MYRIP: variants seen among roughly 807,000 people sequenced by gnomAD.
MYRIP encodes rab effector MyRIP.
Under a neutral mutation model 98.0 loss-of-function variants are expected in MYRIP, and 49 were observed. The ratio of observed to expected loss-of-function variants is 0.50; its 90% CI spans 0.40 to 0.63. The LOEUF is 0.63. MYRIP is among the 30% of genes least tolerant of loss of function. The pLI, the probability that MYRIP is intolerant of heterozygous loss-of-function variation, is 0.00. For missense variants in MYRIP, 1,004 were observed against 1,058.2 expected, an observed-to-expected ratio of 0.95 and a Z score of 0.71; for synonymous variants, 404 against 409.5, an observed-to-expected ratio of 0.99 and a Z score of 0.16.
intron 1 of MYRIP, among the ~76,000 whole-genome samples, chr3:39,851,020 C>G (rs1942115257): frequency 6.6e-6 from 1 of 152,110 alleles, no homozygotes; most frequent in Non-Finnish European, 1.5e-5. Flanking sequence ...TCCAGACAGT[C>G]AGGAAACAAA....
At chr3:39,998,292 CA>C (rs1451027373) in intron 2 of MYRIP, among the ~76,000 whole-genome samples, 4 of 152,338 alleles carry the variant, frequency 2.6e-5, no homozygotes, top group African/African-American at 9.6e-5. Context: ...ACCATCATCT[CA>C]GCCCAAAATC....
chr3:39,808,966 G>T (rs188326334), upstream of MYRIP: 1 of 152,366 alleles, frequency 6.6e-6, no homozygotes, highest in East Asian at 1.9e-4. Context: ...CATTAGCCTG[G>T]ACAGCTCCCT....
chr3:39,898,318 A>G (rs1047424728), intron 1 of MYRIP, among the ~76,000 whole-genome samples: 1 of 152,194 alleles, frequency 6.6e-6, no homozygotes, highest in Non-Finnish European at 1.5e-5. Flanking sequence ...TTTGTTGGTT[A>G]AATCTTGAGA....
intron 9 of MYRIP, among the ~76,000 whole-genome samples, chr3:40,186,703 T>A (rs1951044998): frequency 6.6e-6 from 1 of 152,124 alleles, no homozygotes; most frequent in Non-Finnish European, 1.5e-5. Context: ...CAATTGGAAG[T>A]CCAGCTGGCA....
intron 2 of MYRIP, among the ~76,000 whole-genome samples, chr3:40,029,721 T>TA (rs1312616215): frequency 6.6e-6 from 1 of 151,918 alleles, no homozygotes; most frequent in African/African-American, 2.4e-5. Flanking sequence ...CTAGAATATA[T>TA]AAAAAACCCT....
At chr3:40,150,969 G>T in intron 3 of MYRIP, 79 bp from the exon 4 acceptor site, 1 of 1,321,376 alleles carries the variant, frequency 7.6e-7, no homozygotes, top group Non-Finnish European at 1.0e-6. Context: ...GATGGATGGA[G>T]CTGTGAAGCA....
chr3:39,988,211 A>G (rs544236108), intron 2 of MYRIP, among the ~76,000 whole-genome samples: 1 of 151,970 alleles, frequency 6.6e-6, no homozygotes, highest in Non-Finnish European at 1.5e-5. Context: ...CCTAATGCTA[A>G]ATGACGAGTT....
intron 2 of MYRIP, among the ~76,000 whole-genome samples, chr3:40,003,550 CA>C (rs1946568075): frequency 6.6e-6 from 1 of 152,142 alleles, no homozygotes; most frequent in Non-Finnish European, 1.5e-5. Flanking sequence ...CCTATAATGA[CA>C]GCTCTGGATG....
At chr3:40,196,505 T>C (rs938274725) in intron 10 of MYRIP, among the ~76,000 whole-genome samples, 6 of 152,204 alleles carry the variant, frequency 3.9e-5, no homozygotes, top group Non-Finnish European at 8.8e-5. Flanking sequence ...CTTTGCTTTG[T>C]TTTTGCATTT....
At chr3:39,967,185 T>C (rs1239610621) in intron 2 of MYRIP, among the ~76,000 whole-genome samples, 1 of 152,172 alleles carries the variant, frequency 6.6e-6, no homozygotes, top group East Asian at 1.9e-4. Context: ...GATTATATCA[T>C]CATGCAGGTA....
chr3:40,026,709 C>T (rs184285834), intron 2 of MYRIP, among the ~76,000 whole-genome samples: 2 of 152,278 alleles, frequency 1.3e-5, no homozygotes, highest in Admixed American at 6.5e-5. Flanking sequence ...CAGTCTGGCT[C>T]CTGCCTAGCT....
chr3:40,116,944 T>C (rs1949294205), intron 3 of MYRIP, among the ~76,000 whole-genome samples: 1 of 152,184 alleles, frequency 6.6e-6, no homozygotes, highest in African/African-American at 2.4e-5. Context: ...TTCATAAGTT[T>C]GGAATGAGTG....
rs182040965 is a variant in MYRIP, at chr3:40,094,425, C to T, written c.332+50154C>T. The stretch of plus-strand genomic sequence containing the variant: ...CACCTCCACGCCCTAACTCCTCAGT[C>T]TTGCCTTTGGCCTTCCATCTTGGCT... On this transcript the variant is annotated intron_variant, in intron 3 of 16. Transcript: ENST00000302541. Among the ~76,000 whole-genome samples, 6 of 152,356 alleles carry T rather than the reference C, an allele frequency of 3.9e-5. No homozygotes were observed. In the East Asian group the frequency reaches 1.2e-3, roughly 29 times the overall value.
intron 3 of MYRIP, among the ~76,000 whole-genome samples, chr3:40,060,618 A>AGAGAGAGAGAGAGAGAGAGAGAGAGAGAG (rs1280639816): frequency 6.6e-6 from 1 of 150,844 alleles, no homozygotes; most frequent in Non-Finnish European, 1.5e-5. Context: ...AGAGAGAGAG[A>AGAGAGAGAGAGAGAGAGAGAGAGAGAGAG]TTCGCTCTTG....
Position 39,964,617 on chromosome 3 carries a change from G to C in MYRIP, c.110+63691G>C, listed in dbSNP as rs372609439. ...TAAACTCATTGCAGAATCACTCTGA[G>C]GCCTGGCTGCAGTGCTGTTTATAAA... On this transcript the variant is annotated intron_variant, in intron 2 of 16. Transcript: ENST00000302541. Among the ~76,000 whole-genome samples, 54 of 152,218 alleles carry C rather than the reference G, an allele frequency of 3.5e-4. 1 individual carries two copies. The East Asian group carries it at 9.5e-3, about 27-fold the overall frequency.
intron 3 of MYRIP, among the ~76,000 whole-genome samples, chr3:40,097,621 A>C (rs1948857972): frequency 6.6e-6 from 1 of 152,162 alleles, no homozygotes; most frequent in Admixed American, 6.5e-5. Context: ...CTCTCCACCT[A>C]CACGCACGAG....
At chr3:40,181,535 A>G (rs896907124) in intron 8 of MYRIP, among the ~76,000 whole-genome samples, 8 of 152,176 alleles carry the variant, frequency 5.3e-5, no homozygotes, top group East Asian at 1.9e-4. Flanking sequence ...AAGATTACCA[A>G]TGTAAAAACA....
chr3:40,214,488 A>C (rs60793365), intron 11 of MYRIP, among the ~76,000 whole-genome samples: 13,192 of 152,272 alleles, frequency 0.087, 888 homozygotes, highest in African/African-American at 0.2. Context: ...CCTTTGCTGT[A>C]TGCAAACATA....
At chr3:39,829,282 T>C (rs755100985) in intron 1 of MYRIP, among the ~76,000 whole-genome samples, 5 of 152,332 alleles carry the variant, frequency 3.3e-5, no homozygotes, top group Non-Finnish European at 7.4e-5. Context: ...ATGTGTCATG[T>C]TTTCTTGCAT....
Sources: gnomAD v4.1 joint callset for allele counts (sites outside exome capture counted in the v4.1 genomes callset) on GRCh38, gnomAD v4.1.1 for gene constraint, MANE v1.5 for transcripts, NCBI Gene and HGNC (gene_info 2026-07-23, HGNC 2026-07-21) for gene names.